SLC1A1: variants seen among roughly 807,000 people sequenced by gnomAD.
The protein encoded by SLC1A1 is solute carrier family 1 member 1.
In SLC1A1, 43 loss-of-function variants were observed where a neutral mutation model predicts 53.3. The observed-to-expected ratio is 0.81, with a 90% CI of 0.63 to 1.04. SLC1A1 has a LOEUF of 1.04. Among genes scored for constraint, SLC1A1 ranks in the 50% least tolerant of loss-of-function variants. The probability of loss-of-function intolerance (pLI) is 0.00; values close to 1 mark genes in which losing one functional copy is unlikely to be tolerated. For missense variants in SLC1A1, 748 were observed against 664.9 expected (o/e 1.12, Z -1.37); for synonymous variants, 307 against 243.2 (o/e 1.26, Z -2.44).
chr9:4,561,556 T>G lies in SLC1A1; in HGVS notation c.325+15T>G, dbSNP rs1818941702. 3 of 1,401,258 alleles carry G rather than the reference T, an allele frequency of 2.1e-6. No individual in the cohort carries two copies. Among genetic ancestry groups the G allele is most frequent in the Non-Finnish European group, 3.0e-6 (3 of 985,794 alleles). 86.8% of individuals were successfully genotyped at this position (1,401,258 alleles called of 1,614,324 possible). ...TGTTATTCTAGGTAATACTTATTTC[T>G]GAATCCTTACTACTTTATGTAATGG... is the stretch of plus-strand genomic sequence containing the variant. On this transcript the variant is annotated intron_variant, in intron 3 of 11. Transcript: ENST00000262352.
chr9:4,526,834 T>C (rs1026014745), intron 1 of SLC1A1, among the ~76,000 whole-genome samples: 2 of 151,746 alleles, frequency 1.3e-5, no homozygotes, highest in Non-Finnish European at 2.9e-5. Flanking sequence ...CACCCAAGAT[T>C]GCTACTTCTT....
chr9:4,532,727 T>A (rs1338272421), intron 1 of SLC1A1, among the ~76,000 whole-genome samples: 1 of 151,932 alleles, frequency 6.6e-6, no homozygotes, highest in Admixed American at 6.6e-5. Flanking sequence ...ACAAAGATAC[T>A]CCTCGAGAAG....
intron 6 of SLC1A1, 64 bp from the exon 7 acceptor site, chr9:4,572,140 G>A: frequency 2.9e-6 from 4 of 1,370,818 alleles, no homozygotes; most frequent in South Asian, 1.2e-5. Context: ...CTCATTTCTG[G>A]ACCTGTGCTT....
rs1341542849 is a variant in SLC1A1 at position 4,549,657 on chromosome 9, G to A, written c.232+4950G>A. On this transcript the variant is annotated intron_variant, in intron 2 of 11. Coordinates refer to ENST00000262352, the MANE Select transcript of SLC1A1 (RefSeq NM_004170.6). The surrounding 1 kb of genome is among the most constrained non-coding windows in gnomAD (Gnocchi z 4.1). ...CACACAGGCCATCCTGTCCTGACCT[G>A]GAGTGACCTCTTCCTGGGATGCTTG... Among the ~76,000 whole-genome samples, 1 of 152,126 alleles carries A rather than the reference G, an allele frequency of 6.6e-6. No homozygotes were observed. The highest frequency in any genetic ancestry group is 1.5e-5 in the Non-Finnish European group (1 of 68,016).
At chr9:4,545,804 G>A (rs1255577320) in intron 2 of SLC1A1, among the ~76,000 whole-genome samples, 2 of 152,234 alleles carry the variant, frequency 1.3e-5, no homozygotes. Context: ...TCCTTAGGTA[G>A]ATAGAGATGA....
intron 3 of SLC1A1, among the ~76,000 whole-genome samples, chr9:4,561,801 G>A (rs973606484): frequency 1.3e-5 from 2 of 152,160 alleles, no homozygotes; most frequent in Non-Finnish European, 2.9e-5. Flanking sequence ...TGAGGCAGGA[G>A]AATCACTTGA....
chr9:4,494,457 CTCTT>C (rs1404522617), intron 1 of SLC1A1, among the ~76,000 whole-genome samples: 16 of 151,982 alleles, frequency 1.1e-4, no homozygotes, highest in African/African-American at 2.9e-4. Flanking sequence ...CATAGTATGT[CTCTT>C]TCTGTGTCCT....
At chr9:4,501,821 G>A (rs75159215) in intron 1 of SLC1A1, among the ~76,000 whole-genome samples, 6,123 of 151,534 alleles carry the variant, frequency 0.04, 598 homozygotes, top group African/African-American at 0.14. Context: ...CTCAACCAAG[G>A]GGGAAATCCT....
At chr9:4,566,206 A>T (rs1819471544) in intron 5 of SLC1A1, 117 bp downstream of exon 5, 3 of 937,494 alleles carry the variant, frequency 3.2e-6, no homozygotes, top group Non-Finnish European at 3.5e-6. Flanking sequence ...GGCAGCAGGA[A>T]GTAAACCTGT....
intron 1 of SLC1A1, among the ~76,000 whole-genome samples, chr9:4,493,380 A>C (rs1054809160): frequency 6.6e-6 from 1 of 152,200 alleles, no homozygotes; most frequent in Non-Finnish European, 1.5e-5. Context: ...TGACAGTGAA[A>C]TTCCAGTGAC....
intron 8 of SLC1A1, among the ~76,000 whole-genome samples, chr9:4,574,889 G>T (rs1820401386): frequency 6.6e-6 from 1 of 152,162 alleles, no homozygotes; most frequent in Non-Finnish European, 1.5e-5. Flanking sequence ...CAAAAACACA[G>T]CCCTGCCAGC....
At chr9:4,535,141 T>C (rs547400847) in intron 1 of SLC1A1, among the ~76,000 whole-genome samples, 1,896 of 152,090 alleles carry the variant, frequency 0.012, 12 homozygotes, top group Middle Eastern at 0.048. Context: ...CCTTTGAAAA[T>C]TGGCACAAGA....
intron 1 of SLC1A1, among the ~76,000 whole-genome samples, chr9:4,494,455 G>T (rs1278938521): frequency 6.6e-6 from 1 of 152,038 alleles, no homozygotes; most frequent in Non-Finnish European, 1.5e-5. Flanking sequence ...CTCATAGTAT[G>T]TCTCTTTCTG....
At position 4,576,074 on chromosome 9, in the gene SLC1A1, G is replaced by A. The variant is rs759212864; in HGVS notation, c.949G>A (p.Ala317Thr). Residue 317 changes from alanine (A) to threonine (T), a missense_variant, in exon 9 of 12, where the codon GCC becomes ACC. Transcript: ENST00000262352. ...IVVRKNPFRF[A>T]MGMAQALLTA... ...CGTACGAAAGAACCCTTTCCGATTT[G>A]CCATGGGAATGGCCCAGGCTCTCCT... 24 of 1,613,672 alleles carry A rather than the reference G, an allele frequency of 1.5e-5. No individual in the cohort carries two copies. Among genetic ancestry groups the A allele is most frequent in the Middle Eastern group, 1.6e-4 (1 of 6,082 alleles).
intron 1 of SLC1A1, among the ~76,000 whole-genome samples, chr9:4,530,016 G>T (rs141096461): frequency 6.6e-6 from 1 of 152,240 alleles, no homozygotes; most frequent in African/African-American, 2.4e-5. Context: ...GACCAAATAG[G>T]CTGAGAGAGT....
chr9:4,579,042 A>AT (rs1820820241), intron 10 of SLC1A1, among the ~76,000 whole-genome samples: 1 of 152,334 alleles, frequency 6.6e-6, no homozygotes, highest in Non-Finnish European at 1.5e-5. Context: ...AATACAATGC[A>AT]TTTTTTAAAT....
At chr9:4,500,668 C>A (rs1300499861) in intron 1 of SLC1A1, among the ~76,000 whole-genome samples, 1 of 152,126 alleles carries the variant, frequency 6.6e-6, no homozygotes. Flanking sequence ...CAGCCCCAAA[C>A]TGCAACAAAG....
intron 1 of SLC1A1, among the ~76,000 whole-genome samples, chr9:4,526,087 C>A (rs1252685387): frequency 6.6e-6 from 1 of 152,106 alleles, no homozygotes; most frequent in East Asian, 1.9e-4. Flanking sequence ...GAGTTTGAGA[C>A]CAGCCTAGGC....
At chr9:4,573,868 T>C in intron 7 of SLC1A1, 39 bp from the exon 8 acceptor site, 3 of 1,401,492 alleles carry the variant, frequency 2.1e-6, no homozygotes, top group Admixed American at 1.7e-5. Context: ...AGAAAGCACT[T>C]GATGACGGAA....
Sources: allele counts gnomAD v4.1 joint callset (sites outside exome capture counted in the v4.1 genomes callset), GRCh38; gene constraint gnomAD v4.1.1; non-coding constraint Gnocchi (gnomAD v3.1); transcripts MANE v1.5; gene names NCBI Gene and HGNC (gene_info 2026-07-23, HGNC 2026-07-21).